The following PTGFR variants were observed in gnomAD, a reference collection of about 807,000 sequenced individuals.
PTGFR encodes the protein prostaglandin F2-alpha receptor.
In PTGFR, 15 loss-of-function variants were observed where a neutral mutation model predicts 26.2. That is an observed-to-expected ratio of 0.57 (90% CI 0.38 to 0.88). The LOEUF (loss-of-function observed/expected upper bound fraction) is 0.88. Among genes scored for constraint, PTGFR ranks in the 40% least tolerant of loss-of-function variants. The probability of loss-of-function intolerance (pLI) is 0.00; values close to 1 mark genes in which losing one functional copy is unlikely to be tolerated. For synonymous variants in PTGFR, 165 were observed against 151.1 expected (o/e 1.09, Z -0.68); for missense variants, 369 against 427.2 (o/e 0.86, Z 1.20).
intron 2 of PTGFR, among the ~76,000 whole-genome samples, chr1:78,513,729 T>C (rs886076602): frequency 1.1e-4 from 17 of 152,196 alleles, no homozygotes; most frequent in Non-Finnish European, 2.5e-4. Context: ...AAAAAAGGCC[T>C]GAAATCCATT....
intron 2 of PTGFR, among the ~76,000 whole-genome samples, chr1:78,522,106 T>C (rs934326422): frequency 5.9e-5 from 9 of 152,076 alleles, no homozygotes; most frequent in Non-Finnish European, 1.3e-4. Flanking sequence ...TCCTTGTGAC[T>C]GTAGATCTGA....
intron 2 of PTGFR, among the ~76,000 whole-genome samples, chr1:78,530,491 T>A (rs2100398018): frequency 6.6e-6 from 1 of 152,222 alleles, no homozygotes; most frequent in East Asian, 1.9e-4. Context: ...CATAGAGAAT[T>A]AAAAATGAGC....
At chr1:78,533,641 T>C (rs541177687) in intron 2 of PTGFR, among the ~76,000 whole-genome samples, 3 of 152,308 alleles carry the variant, frequency 2.0e-5, no homozygotes, top group African/African-American at 4.8e-5. Context: ...TTTATGTTTA[T>C]GAATATGCAG....
At chr1:78,515,211 G>C (rs1650065972) in intron 2 of PTGFR, among the ~76,000 whole-genome samples, 1 of 152,172 alleles carries the variant, frequency 6.6e-6, no homozygotes, top group South Asian at 2.1e-4. Context: ...GTGGGAAACA[G>C]TCAGGAGGCT....
At chr1:78,525,212 A>G (rs532044463) in intron 2 of PTGFR, among the ~76,000 whole-genome samples, 5 of 151,920 alleles carry the variant, frequency 3.3e-5, no homozygotes, top group Admixed American at 1.3e-4. Context: ...TTCAAATTTC[A>G]TAGATATATA....
chr1:78,505,610 C>A (rs1415736295), intron 2 of PTGFR, among the ~76,000 whole-genome samples: 5 of 152,148 alleles, frequency 3.3e-5, no homozygotes, highest in Non-Finnish European at 7.3e-5. Context: ...GGTACATTCA[C>A]AATGTTGTGC....
chr1:78,503,414 A>G (rs548242448), intron 2 of PTGFR, among the ~76,000 whole-genome samples: 1 of 152,312 alleles, frequency 6.6e-6, no homozygotes, highest in East Asian at 1.9e-4. Context: ...TAAATCATTA[A>G]ATTGCTGTGA....
chr1:78,505,282 C>G (rs928885614), intron 2 of PTGFR, among the ~76,000 whole-genome samples: 7 of 152,064 alleles, frequency 4.6e-5, no homozygotes, highest in African/African-American at 1.7e-4. Flanking sequence ...ACCACCACAC[C>G]TGGCTAATTT....
intron 2 of PTGFR, among the ~76,000 whole-genome samples, chr1:78,511,062 C>A (rs1044430197): frequency 3.3e-5 from 5 of 152,240 alleles, no homozygotes; most frequent in Admixed American, 1.3e-4. Context: ...GCCACCATGG[C>A]TGCTCCCATG....
At chr1:78,530,563 C>G (rs934789938) in intron 2 of PTGFR, among the ~76,000 whole-genome samples, 1 of 152,118 alleles carries the variant, frequency 6.6e-6, no homozygotes, top group Non-Finnish European at 1.5e-5. Context: ...CTATTCAAAT[C>G]TTGACTCCAC....
chr1:78,524,289 A>C (rs1388835996), intron 2 of PTGFR, among the ~76,000 whole-genome samples: 2 of 152,100 alleles, frequency 1.3e-5, no homozygotes, highest in East Asian at 3.9e-4. Context: ...GCACTGGAGC[A>C]AGAGTAATCC....
intron 2 of PTGFR, among the ~76,000 whole-genome samples, chr1:78,502,377 G>A (rs199800177): frequency 6.6e-6 from 1 of 152,122 alleles, no homozygotes; most frequent in Admixed American, 6.6e-5. Flanking sequence ...CCATGTGTCT[G>A]TAGCCACTCT....
rs573640642 is a variant in PTGFR, at chr1:78,529,216, GT to G, written c.799-7185del. Among the ~76,000 whole-genome samples the G allele has an allele frequency of 3.3e-5, 5 of 152,250 alleles. No homozygotes were observed. The East Asian group carries it at 9.7e-4, about 29-fold the overall frequency. ...CTGAAACGCCTAACTGGTATGGTCT[GT>G]TTTTGCTATTAAAACGACGTTGCCA... On this transcript the variant is annotated intron_variant, in intron 2 of 2. Coordinates refer to ENST00000370757, the MANE Select transcript of PTGFR (RefSeq NM_000959.4).
chr1:78,521,066 C>G (rs1398161840), intron 2 of PTGFR, among the ~76,000 whole-genome samples: 1 of 152,056 alleles, frequency 6.6e-6, no homozygotes, highest in Admixed American at 6.6e-5. Flanking sequence ...TGGCTCCTCT[C>G]TCTTAATTTC....
At chr1:78,492,293 GTCTC>G (rs1649421620) in intron 1 of PTGFR, among the ~76,000 whole-genome samples, 2 of 152,158 alleles carry the variant, frequency 1.3e-5, no homozygotes, top group African/African-American at 2.4e-5. Context: ...ACTTTAAAAG[GTCTC>G]TCTCTCTTTT....
intron 1 of PTGFR, among the ~76,000 whole-genome samples, chr1:78,492,351 A>G (rs548754814): frequency 6.6e-6 from 1 of 152,310 alleles, no homozygotes; most frequent in South Asian, 2.1e-4. Flanking sequence ...GTTTAAATCT[A>G]ATCTTGGTAG....
At chr1:78,514,700 T>C (rs1279619772) in intron 2 of PTGFR, among the ~76,000 whole-genome samples, 1 of 152,130 alleles carries the variant, frequency 6.6e-6, no homozygotes, top group Non-Finnish European at 1.5e-5. Context: ...CCAAATTTCA[T>C]GTTGAAATGT....
chr1:78,507,138 C>T (rs928962438), intron 2 of PTGFR, among the ~76,000 whole-genome samples: 46 of 152,072 alleles, frequency 3.0e-4, no homozygotes, highest in African/African-American at 1.1e-3. Flanking sequence ...CTTTTGTTTC[C>T]AGGAGAACTC....
In PTGFR at chr1:78,493,254, A is replaced by G. The variant is rs144240090; in HGVS notation, c.511A>G (p.Ile171Val). Residue 171 changes from isoleucine (I) to valine (V), a missense_variant, in exon 2 of 3, where the codon ATC becomes GTC. Physicochemically the swap from Ile to Val is conservative, Grantham distance 29 (BLOSUM62 3). Coordinates refer to ENST00000370757, the MANE Select transcript of PTGFR (RefSeq NM_000959.4). ...TGCTGTTTTCATAGCTTTGCTGCCC[A>G]TCCTTGGACATCGAGACTATAAAAT... The part of the protein sequence containing the change: ...LFAVFIALLP[I>V]LGHRDYKIQA... 6.2e-7 allele frequency: 1 copy of G among 1,614,142 alleles called. No individual in the cohort carries two copies. The highest frequency in any genetic ancestry group is 8.5e-7 in the Non-Finnish European group (1 of 1,180,000).
Sources: gnomAD v4.1 joint callset for allele counts (sites outside exome capture counted in the v4.1 genomes callset) on GRCh38, gnomAD v4.1.1 for gene constraint, MANE v1.5 for transcripts, NCBI Gene and HGNC (gene_info 2026-07-23, HGNC 2026-07-21) for gene names.